Variants in ARHGEF10 observed in about 807,000 individuals in gnomAD.
ARHGEF10 encodes Rho guanine nucleotide exchange factor 10.
A neutral mutation model predicts 147.4 loss-of-function variants in ARHGEF10; 140 were observed. That is an observed-to-expected ratio of 0.95 (90% CI 0.83 to 1.09). The LOEUF (loss-of-function observed/expected upper bound fraction) is 1.09, where lower values mean the gene tolerates loss of function less well. ARHGEF10 is among the 50% of genes least tolerant of loss of function. ARHGEF10 has a pLI of 0.00. For synonymous variants in ARHGEF10, 902 were observed against 695.8 expected (o/e 1.30, Z -4.67); for missense variants, 2,222 against 1,752.7 (o/e 1.27, Z -4.78).
At chr8:1,875,472 A>C (rs926088794) in intron 7 of ARHGEF10, among the ~76,000 whole-genome samples, 2 of 152,182 alleles carry the variant, frequency 1.3e-5, no homozygotes. Flanking sequence ...GCAATTGTGC[A>C]AGGACTTGAC....
chr8:1,841,987 CTGGGG>C (rs1804112413), intron 1 of ARHGEF10, among the ~76,000 whole-genome samples: 8 of 68,164 alleles, frequency 1.2e-4, no homozygotes, highest in South Asian at 4.8e-4. Flanking sequence ...GCGGCGGGAA[CTGGGG>C]CCGCGGCGGG....
chr8:1,901,631 C>T (rs1310952718), intron 15 of ARHGEF10, among the ~76,000 whole-genome samples: 4 of 152,238 alleles, frequency 2.6e-5, no homozygotes, highest in African/African-American at 7.2e-5. Flanking sequence ...GGCTGCCAGC[C>T]CGGCGGATGC....
intron 1 of ARHGEF10, among the ~76,000 whole-genome samples, chr8:1,838,652 G>C (rs1454307697): frequency 6.6e-6 from 1 of 152,278 alleles, no homozygotes; most frequent in Non-Finnish European, 1.5e-5. Flanking sequence ...CAGGGTCTCA[G>C]AGCCAGTGTG....
intron 16 of ARHGEF10, 112 bp downstream of exon 16, chr8:1,903,563 G>T (rs879215107): frequency 2.6e-5 from 37 of 1,409,922 alleles, no homozygotes; most frequent in Admixed American, 5.7e-5. Flanking sequence ...AATTCCCTTC[G>T]CCCAGAGTTC....
rs1445982497 is a variant in ARHGEF10, at chr8:1,896,348, G to C, written c.1456G>C (p.Val486Leu). 4 of 1,613,568 alleles carry C rather than the reference G, an allele frequency of 2.5e-6. No individual in the cohort carries two copies. Among genetic ancestry groups the C allele is most frequent in the Non-Finnish European group, 2.5e-6 (3 of 1,179,732 alleles). Reference sequence around the variant, plus strand: ...TGTGTTTCAGTTTTCTAAGTCCATGGTGCTGGATGCATACAGTGAATATGT... The same window carrying C: ...TGTGTTTCAGTTTTCTAAGTCCATGCTGCTGGATGCATACAGTGAATATGT... ...VFVASFSKSM[V>L]LDAYSEYVNN... Residue 486 changes from valine (V) to leucine (L), a missense_variant, in exon 14 of 29, where the codon GTG becomes CTG. Coordinates refer to ENST00000349830, the MANE Select transcript of ARHGEF10 (RefSeq NM_014629.4).
chr8:1,843,046 A>T (rs1389789271), intron 1 of ARHGEF10, among the ~76,000 whole-genome samples: 1 of 152,244 alleles, frequency 6.6e-6, no homozygotes, highest in African/African-American at 2.4e-5. Flanking sequence ...AAATTCAGCA[A>T]GGAGTTAAAG....
At chr8:1,881,706 G>C (rs999881622) in intron 9 of ARHGEF10, among the ~76,000 whole-genome samples, 1 of 152,184 alleles carries the variant, frequency 6.6e-6, no homozygotes, top group African/African-American at 2.4e-5. Flanking sequence ...GTCCAGGGCA[G>C]GCAGACACGG....
intron 18 of ARHGEF10, among the ~76,000 whole-genome samples, chr8:1,914,481 C>T (rs954911780): frequency 5.3e-5 from 8 of 152,262 alleles, no homozygotes; most frequent in East Asian, 3.9e-4. Context: ...TGGTCTCCAA[C>T]GTGTCCTCTC....
chr8:1,865,592 C>A (rs1239104675), intron 5 of ARHGEF10, among the ~76,000 whole-genome samples: 2 of 152,228 alleles, frequency 1.3e-5, no homozygotes, highest in Non-Finnish European at 2.9e-5. Context: ...CCCGCAGCAC[C>A]CACAGGGCCA....
At chr8:1,877,452 C>A (rs868006637) in intron 8 of ARHGEF10, among the ~76,000 whole-genome samples, 1 of 152,178 alleles carries the variant, frequency 6.6e-6, no homozygotes, top group African/African-American at 2.4e-5. Flanking sequence ...AGTCTCGAAT[C>A]CCTGACCTCA....
intron 26 of ARHGEF10, among the ~76,000 whole-genome samples, chr8:1,941,756 A>T (rs1339720641): frequency 6.6e-6 from 1 of 152,214 alleles, no homozygotes; most frequent in Non-Finnish European, 1.5e-5. Context: ...CTGGCACGGG[A>T]CAGACACATA....
chr8:1,898,664 G>A, intron 15 of ARHGEF10, 139 bp downstream of exon 15: 2 of 901,538 alleles, frequency 2.2e-6, no homozygotes, highest in East Asian at 2.6e-5. Flanking sequence ...TACAGGAGGT[G>A]GAGGGTAGAG....
At chr8:1,898,284 T>G (rs1038073345) in intron 14 of ARHGEF10, 149 bp from the exon 15 acceptor site, 8 of 711,238 alleles carry the variant, frequency 1.1e-5, no homozygotes, top group Admixed American at 4.2e-5. Context: ...GGCTGGAAGG[T>G]ATTTGGCCAA....
At chr8:1,862,262 C>T (rs147955484) in intron 4 of ARHGEF10, among the ~76,000 whole-genome samples, 3 of 152,362 alleles carry the variant, frequency 2.0e-5, no homozygotes, top group Non-Finnish European at 1.5e-5. Flanking sequence ...AGGGCTTCCC[C>T]GGGACGTACA....
intron 1 of ARHGEF10, among the ~76,000 whole-genome samples, chr8:1,828,653 C>T (rs1290649697): frequency 6.7e-6 from 1 of 148,672 alleles, no homozygotes; most frequent in Non-Finnish European, 1.5e-5. Flanking sequence ...TAAGGAATTA[C>T]ATTTTGATAA....
intron 25 of ARHGEF10, among the ~76,000 whole-genome samples, chr8:1,932,724 CAG>C: frequency 6.6e-6 from 1 of 152,340 alleles, no homozygotes; most frequent in Middle Eastern, 3.4e-3. Context: ...CCACAGAAGT[CAG>C]AGCTTGCATA....
At chr8:1,879,307 C>G (rs753242952) in intron 8 of ARHGEF10, among the ~76,000 whole-genome samples, 1 of 152,134 alleles carries the variant, frequency 6.6e-6, no homozygotes, top group Non-Finnish European at 1.5e-5. Context: ...GTGCTGCCAT[C>G]CCCAAAATAT....
At position 1,840,410 on chromosome 8, in the gene ARHGEF10, C is replaced by T. The variant is rs1184617555; in HGVS notation, c.-47-2943C>T. Among the ~76,000 whole-genome samples, 3 of 138,526 alleles carry T rather than the reference C, an allele frequency of 2.2e-5. No individual in the cohort carries two copies. In the East Asian group the frequency reaches 6.8e-4, roughly 31 times the overall value. 90.9% of individuals were successfully genotyped at this position (138,526 alleles called of 152,430 possible). On this transcript the variant is annotated intron_variant, in intron 1 of 28. Transcript: ENST00000349830. The stretch of plus-strand genomic sequence containing the variant: ...GTGTGGAAGCTGTCTGGTGTGGGGA[C>T]TGTCTGGTGTGGAAGCTGTCCGGTG...
chr8:1,953,522 C>T (rs1417212366), intron 28 of ARHGEF10, among the ~76,000 whole-genome samples: 1 of 152,264 alleles, frequency 6.6e-6, no homozygotes, highest in Non-Finnish European at 1.5e-5. Flanking sequence ...GGCCTTAAAA[C>T]ATGCTTGTGT....
Sources: allele counts gnomAD v4.1 joint callset (sites outside exome capture counted in the v4.1 genomes callset), GRCh38; gene constraint gnomAD v4.1.1; transcripts MANE v1.5; gene names NCBI Gene and HGNC (gene_info 2026-07-23, HGNC 2026-07-21).